Variants in SHOC1 observed in about 807,000 individuals in gnomAD.
SHOC1 encodes protein shortage in chiasmata 1 ortholog.
A neutral mutation model predicts 179.2 loss-of-function variants in SHOC1; 136 were observed. That is an observed-to-expected ratio of 0.76 (90% CI 0.66 to 0.87). The LOEUF (loss-of-function observed/expected upper bound fraction) is 0.87. SHOC1 is among the 40% of genes least tolerant of loss of function. The pLI is 0.00. For synonymous variants in SHOC1, 489 were observed against 586.6 expected (o/e 0.83, Z 2.41); for missense variants, 1,538 against 1,700.8 (o/e 0.90, Z 1.68).
intron 1 of SHOC1, among the ~76,000 whole-genome samples, chr9:111,793,204 T>G (rs193015503): frequency 6.6e-6 from 1 of 152,252 alleles, no homozygotes; most frequent in Non-Finnish European, 1.5e-5. Flanking sequence ...TTCAAGCAAA[T>G]ATTGATTCTA....
At chr9:111,781,861 AC>A (rs1302349764) in intron 3 of SHOC1, among the ~76,000 whole-genome samples, 2 of 152,102 alleles carry the variant, frequency 1.3e-5, no homozygotes, top group Non-Finnish European at 2.9e-5. Context: ...TCCACCTACC[AC>A]CAGTGTTACT....
chr9:111,789,281 G>GA (rs1048003248), intron 2 of SHOC1, among the ~76,000 whole-genome samples: 5 of 151,102 alleles, frequency 3.3e-5, no homozygotes, highest in African/African-American at 1.2e-4. Context: ...CAGTAAATAG[G>GA]AAAAAAAAGT....
rs554567210 is a variant in SHOC1, at chr9:111,781,689, C to T, written c.170-672G>A. Among the ~76,000 whole-genome samples, 8 of 150,428 alleles carry T rather than the reference C, an allele frequency of 5.3e-5. No individual in the cohort carries two copies. In the East Asian group the frequency reaches 1.6e-3, roughly 29 times the overall value. The stretch of plus-strand genomic sequence containing the variant: ...AGTGAGCAGAGATTGTGCCATGGCA[C>T]TCCAGCCTGGGCACCTGGGTGAGAG... On this transcript the variant is annotated intron_variant, in intron 3 of 27. Coordinates refer to ENST00000682961, the MANE Select transcript of SHOC1 (RefSeq NM_001378211.1).
intron 5 of SHOC1, among the ~76,000 whole-genome samples, chr9:111,765,745 ACT>A (rs536312192): frequency 2.0e-5 from 3 of 151,454 alleles, no homozygotes; most frequent in Non-Finnish European, 4.4e-5. Flanking sequence ...ACAGAGTCTC[ACT>A]CTGTCACCCA....
chr9:111,747,067 T>C (rs1271641884), intron 9 of SHOC1, among the ~76,000 whole-genome samples: 3 of 152,138 alleles, frequency 2.0e-5, no homozygotes, highest in Admixed American at 2.0e-4. Flanking sequence ...AAACAAACTG[T>C]ATTATAAAGA....
Position 111,692,439 on chromosome 9 carries a change from G to A in SHOC1, c.3538C>T (p.Pro1180Ser), listed in dbSNP as rs764562944. 1 of 1,610,012 alleles carries A rather than the reference G, an allele frequency of 6.2e-7. No individual in the cohort carries two copies. Among genetic ancestry groups the A allele is most frequent in the South Asian group, 1.1e-5 (1 of 89,990 alleles). Residue 1180 changes from proline (P) to serine (S), a missense_variant, in exon 27 of 28, where the codon CCT becomes TCT. By Grantham distance (74) the Pro-to-Ser change is moderately conservative (BLOSUM62 -1). Coordinates refer to ENST00000682961, the MANE Select transcript of SHOC1 (RefSeq NM_001378211.1). ...CTAATCTGATTCCTATTTTCCTGAGGTGACGAAATTTGCGGTGATTTTGTT... is the reference window on the plus strand; with the variant it reads ...CTAATCTGATTCCTATTTTCCTGAGATGACGAAATTTGCGGTGATTTTGTT... ...SITKSPQISSPQENRNQISTL... is the reference protein window; with the variant it reads ...SITKSPQISSSQENRNQISTL...
At position 111,727,767 on chromosome 9, in the gene SHOC1, A is replaced by C; in HGVS notation, c.1700T>G (p.Ile567Ser). 1.2e-6 allele frequency: 2 copies of C among 1,613,456 alleles called. No individual in the cohort carries two copies. Among genetic ancestry groups the C allele is most frequent in the South Asian group, 2.2e-5 (2 of 90,990 alleles). The change falls in exon 13 of 28, where the codon ATT (isoleucine) becomes AGT (serine). Residue 567 changes from isoleucine to serine, a missense_variant. Coordinates refer to ENST00000682961, the MANE Select transcript of SHOC1 (RefSeq NM_001378211.1). Reference sequence around the variant, plus strand: ...GCCATGTTCAAAAGATGCTTTTTTAATTATTGAAGAGGAAGGTGATTTAAT... The same window carrying C: ...GCCATGTTCAAAAGATGCTTTTTTACTTATTGAAGAGGAAGGTGATTTAAT... ...PSIKSPSSSI[I>S]KKASFEHGKK...
chr9:111,715,499 T>G (rs1832743972), intron 16 of SHOC1, among the ~76,000 whole-genome samples: 1 of 152,198 alleles, frequency 6.6e-6, no homozygotes, highest in African/African-American at 2.4e-5. Flanking sequence ...ATTCTCCATA[T>G]TGCCATGAGA....
chr9:111,702,351 C>G, intron 22 of SHOC1, 125 bp from the exon 23 acceptor site: 1 of 617,184 alleles, frequency 1.6e-6, no homozygotes, highest in Non-Finnish European at 2.7e-6. Flanking sequence ...GTATGAGCCC[C>G]CATTTCATGG....
intron 12 of SHOC1, among the ~76,000 whole-genome samples, chr9:111,737,164 G>T (rs1420450661): frequency 6.6e-6 from 1 of 151,814 alleles, no homozygotes; most frequent in Non-Finnish European, 1.5e-5. Flanking sequence ...ATTTATCAAA[G>T]AACTTAAAAC....
chr9:111,733,544 A>G (rs1833685361), intron 12 of SHOC1, among the ~76,000 whole-genome samples: 1 of 152,184 alleles, frequency 6.6e-6, no homozygotes, highest in Non-Finnish European at 1.5e-5. Context: ...CAAAATACAG[A>G]TTATATATGT....
chr9:111,707,223 T>C (rs539907810), intron 19 of SHOC1, among the ~76,000 whole-genome samples: 1 of 152,192 alleles, frequency 6.6e-6, no homozygotes, highest in Admixed American at 6.5e-5. Flanking sequence ...CTTTCTTTTC[T>C]AATAAAATTT....
intron 5 of SHOC1, among the ~76,000 whole-genome samples, chr9:111,762,423 T>TA (rs1309867781): frequency 6.7e-6 from 1 of 149,824 alleles, no homozygotes; most frequent in Non-Finnish European, 1.5e-5. Flanking sequence ...AGTCTCAATT[T>TA]AAAAAAAAAG....
intron 24 of SHOC1, 32 bp downstream of exon 24, chr9:111,699,922 T>C (rs375467171): frequency 6.9e-6 from 10 of 1,458,808 alleles, no homozygotes; most frequent in African/African-American, 5.6e-5. Context: ...TTATAAAAAA[T>C]ACTTATGAAG....
At chr9:111,739,704 T>C (rs1051308336) in intron 11 of SHOC1, among the ~76,000 whole-genome samples, 1 of 152,152 alleles carries the variant, frequency 6.6e-6, no homozygotes, top group Non-Finnish European at 1.5e-5. Context: ...AGACGTCTTG[T>C]TCCCCCCTTT....
At position 111,691,765 on chromosome 9, in the gene SHOC1, C is replaced by T. The variant is rs996275787; in HGVS notation, c.4212G>A (p.Glu1404=). 6.8e-6 allele frequency: 11 copies of T among 1,613,874 alleles called. No individual in the cohort carries two copies. The highest frequency in any genetic ancestry group is 9.3e-6 in the Non-Finnish European group (11 of 1,179,972). The change falls in exon 27 of 28, where the codon GAG becomes GAA. Residue 1404 remains glutamate, a synonymous_variant. Coordinates refer to ENST00000682961, the MANE Select transcript of SHOC1 (RefSeq NM_001378211.1). The part of the protein sequence containing the change: ...FTDQQKCLSD[E]SEGLTCESSK... ...AACTTTCACATGTGAGGCCTTCAGA[C>T]TCATCTGATAGACATTTTTGCTGAT...
rs552840499 is a variant in SHOC1, at chr9:111,704,434, G to A, written c.2856-442C>T. 2.0e-5 allele frequency among the ~76,000 whole-genome samples: 3 copies of A among 152,178 alleles called. No homozygotes were observed. The South Asian group carries it at 6.2e-4, about 32-fold the overall frequency. Reference sequence around the variant, plus strand: ...AGACAGCTCTGTTGCCCAGCCTGGAGTGCAGTGGTGCTATCATGGCTCACT... The same window carrying A: ...AGACAGCTCTGTTGCCCAGCCTGGAATGCAGTGGTGCTATCATGGCTCACT... On this transcript the variant is annotated intron_variant, in intron 21 of 27. Coordinates refer to ENST00000682961, the MANE Select transcript of SHOC1 (RefSeq NM_001378211.1).
At chr9:111,734,082 G>A (rs1179145291) in intron 12 of SHOC1, among the ~76,000 whole-genome samples, 1 of 152,014 alleles carries the variant, frequency 6.6e-6, no homozygotes, top group Admixed American at 6.6e-5. Context: ...TCCAGATATA[G>A]TTATTGCTAC....
chr9:111,730,804 C>A (rs993447072), intron 12 of SHOC1, among the ~76,000 whole-genome samples: 1 of 152,134 alleles, frequency 6.6e-6, no homozygotes, highest in Non-Finnish European at 1.5e-5. Flanking sequence ...AGCTCTGAAG[C>A]CAGACATTGA....
Sources: allele counts gnomAD v4.1 joint callset (sites outside exome capture counted in the v4.1 genomes callset), GRCh38; gene constraint gnomAD v4.1.1; transcripts MANE v1.5; gene names NCBI Gene and HGNC (gene_info 2026-07-23, HGNC 2026-07-21).